NCKAP5: variants seen among roughly 807,000 people sequenced by gnomAD.
NCKAP5 encodes NCK associated protein 5.
A neutral mutation model predicts 167.0 loss-of-function variants in NCKAP5; 92 were observed. The observed-to-expected ratio is 0.55, with a 90% CI of 0.47 to 0.66. The LOEUF is 0.66. Ranked by LOEUF, NCKAP5 falls within the 30% of genes least tolerant of loss-of-function variation. The pLI is 0.00. For missense variants in NCKAP5, 2,378 were observed against 2,315.0 expected (o/e 1.03, Z -0.56); for synonymous variants, 891 against 877.4 (o/e 1.02, Z -0.27).
At chr2:132,837,195 T>A (rs1687952432) in intron 11 of NCKAP5, among the ~76,000 whole-genome samples, 1 of 152,208 alleles carries the variant, frequency 6.6e-6, no homozygotes, top group Admixed American at 6.5e-5. Flanking sequence ...GTAGCTTCTC[T>A]TTCCCCCATG....
chr2:132,878,890 C>T lies in NCKAP5; in HGVS notation c.606G>A (p.Glu202=), dbSNP rs1424917157. The change falls in exon 9 of 20, where the codon GAG becomes GAA. Residue 202 remains glutamate (E), a synonymous_variant. Transcript: ENST00000409261. ...CATATTGTTCCCTTTGATTTTCATT[C>T]TCCAAAGCCAACGCTGAATTCTCTG... ...LEAENSALAL[E]NENQREQYER... is the part of the protein sequence containing the mutation. 1.9e-6 allele frequency: 3 copies of T among 1,613,726 alleles called. No individual in the cohort carries two copies. Among genetic ancestry groups the T allele is most frequent in the Non-Finnish European group, 2.5e-6 (3 of 1,179,652 alleles).
At position 132,948,130 on chromosome 2, in the gene NCKAP5, C is replaced by G. The variant is rs907171921; in HGVS notation, c.579+15590G>C. On this transcript the variant is annotated intron_variant, in intron 8 of 19. Transcript: ENST00000409261. The stretch of plus-strand genomic sequence containing the variant: ...AGATAACAATAAACGGTAATGATGA[C>G]AGTTTTTTTTATCTAGCCAAAATAG... Among the ~76,000 whole-genome samples the G allele has an allele frequency of 3.9e-5, 6 of 152,244 alleles. 1 individual carries two copies. The highest frequency in any genetic ancestry group is 6.5e-5 in the Admixed American group (1 of 15,284).
chr2:133,012,470 G>A (rs796176976), intron 6 of NCKAP5, among the ~76,000 whole-genome samples: 34 of 152,276 alleles, frequency 2.2e-4, no homozygotes, highest in African/African-American at 7.7e-4. Context: ...GGATGGTCTC[G>A]ATCTCCTGAC....
chr2:133,012,014 T>G (rs2078176911), intron 6 of NCKAP5, among the ~76,000 whole-genome samples: 1 of 152,152 alleles, frequency 6.6e-6, no homozygotes, highest in South Asian at 2.1e-4. Context: ...TTCATAGCTG[T>G]TTTTATCTCT....
intron 11 of NCKAP5, among the ~76,000 whole-genome samples, chr2:132,860,008 A>G (rs1240510783): frequency 6.6e-6 from 1 of 152,120 alleles, no homozygotes; most frequent in Non-Finnish European, 1.5e-5. Context: ...AAAAATACTG[A>G]GATAGAAACA....
At chr2:133,577,261 G>A in the NCKAP5 span, among the ~76,000 whole-genome samples, 2 of 152,138 alleles carry the variant, frequency 1.3e-5, no homozygotes, top group Admixed American at 1.3e-4. Flanking sequence ...AGAAGGAAAG[G>A]ACATTCTAGA....
intron 11 of NCKAP5, among the ~76,000 whole-genome samples, chr2:132,854,718 G>C (rs1455166916): frequency 1.3e-5 from 2 of 152,118 alleles, no homozygotes; most frequent in Non-Finnish European, 2.9e-5. Context: ...CTTAATTGTA[G>C]ACCACAGGCC....
chr2:133,356,243 T>C (rs1220687972), intron 3 of NCKAP5, among the ~76,000 whole-genome samples: 1 of 152,208 alleles, frequency 6.6e-6, no homozygotes, highest in Non-Finnish European at 1.5e-5. Flanking sequence ...AGTGTTCTTA[T>C]ATCTCAAATC....
the NCKAP5 span, among the ~76,000 whole-genome samples, chr2:133,615,367 G>C: frequency 6.6e-6 from 1 of 151,674 alleles, no homozygotes; most frequent in Non-Finnish European, 1.5e-5. Context: ...ATTGGATAAA[G>C]AGTCAAGACC....
the NCKAP5 span, among the ~76,000 whole-genome samples, chr2:133,593,246 G>A: frequency 1.3e-5 from 2 of 151,802 alleles, no homozygotes; most frequent in African/African-American, 2.4e-5. Context: ...ACCCAGAATT[G>A]TATACACATT....
chr2:132,696,076 A>T (rs1687278122), intron 19 of NCKAP5, among the ~76,000 whole-genome samples: 1 of 152,234 alleles, frequency 6.6e-6, no homozygotes, highest in Non-Finnish European at 1.5e-5. Context: ...TTTGGAATAA[A>T]TGTGATGGTG....
chr2:133,340,405 T>C (rs970533521), intron 3 of NCKAP5, among the ~76,000 whole-genome samples: 1 of 152,208 alleles, frequency 6.6e-6, no homozygotes, highest in Admixed American at 6.5e-5. Context: ...GAACACATGG[T>C]ATTTCAAACA....
chr2:133,212,049 C>T (rs778335619), intron 5 of NCKAP5, among the ~76,000 whole-genome samples: 37 of 152,284 alleles, frequency 2.4e-4, no homozygotes, highest in African/African-American at 5.3e-4. Context: ...ATTCATATCA[C>T]GAAAACTTCA....
intron 6 of NCKAP5, among the ~76,000 whole-genome samples, chr2:133,017,855 G>A (rs1439932089): frequency 6.6e-6 from 1 of 151,974 alleles, no homozygotes; most frequent in East Asian, 1.9e-4. Flanking sequence ...CTTTGCAATG[G>A]GCAACACTTC....
chr2:133,647,713 A>AAAGG, the NCKAP5 span, among the ~76,000 whole-genome samples: 6,087 of 85,688 alleles, frequency 0.071, 338 homozygotes, highest in Non-Finnish European at 0.085. Flanking sequence ...AAAGAAAAAG[A>AAAGG]AAGGAAGGAA....
the NCKAP5 span, among the ~76,000 whole-genome samples, chr2:133,657,730 T>C: frequency 4.7e-4 from 71 of 152,330 alleles, no homozygotes; most frequent in African/African-American, 1.6e-3. Context: ...ATTCTTTTAT[T>C]GTGAGGGAAT....
intron 8 of NCKAP5, among the ~76,000 whole-genome samples, chr2:132,917,057 G>A (rs764311790): frequency 3.4e-4 from 51 of 152,154 alleles, no homozygotes; most frequent in Non-Finnish European, 6.8e-4. Flanking sequence ...GGCTCTTTGT[G>A]TGCTTTATTT....
At chr2:133,296,266 G>C (rs757249629) in intron 4 of NCKAP5, among the ~76,000 whole-genome samples, 1 of 152,050 alleles carries the variant, frequency 6.6e-6, no homozygotes, top group Non-Finnish European at 1.5e-5. Context: ...GAACTGACTC[G>C]GCGCAAGAAG....
At chr2:133,353,815 G>A (rs554789039) in intron 3 of NCKAP5, among the ~76,000 whole-genome samples, 2 of 152,188 alleles carry the variant, frequency 1.3e-5, no homozygotes, top group South Asian at 2.1e-4. Context: ...ATCATCTTCC[G>A]ACTCCATCCC....
Sources: gnomAD v4.1 joint callset for allele counts (sites outside exome capture counted in the v4.1 genomes callset) on GRCh38, gnomAD v4.1.1 for gene constraint, MANE v1.5 for transcripts, NCBI Gene and HGNC (gene_info 2026-07-23, HGNC 2026-07-21) for gene names.